Variants in PIAS3 observed in about 807,000 individuals in gnomAD.
PIAS3 encodes the protein protein inhibitor of activated STAT 3.
In PIAS3, 34 loss-of-function variants were observed where a neutral mutation model predicts 67.6. The observed-to-expected ratio is 0.50, with a 90% CI of 0.38 to 0.67. The LOEUF (loss-of-function observed/expected upper bound fraction) is 0.67, where lower values mean the gene tolerates loss of function less well. PIAS3 is among the 30% of genes least tolerant of loss of function. PIAS3 has a pLI of 0.00. For missense variants in PIAS3, 693 were observed against 791.6 expected, an observed-to-expected ratio of 0.88 and a Z score of 1.49; for synonymous variants, 341 against 313.8, an observed-to-expected ratio of 1.09 and a Z score of -0.92.
At position 145,855,838 on chromosome 1, in the gene PIAS3, T is replaced by C; in HGVS notation, c.579-12A>G. On this transcript the variant is annotated splice_polypyrimidine_tract_variant and intron_variant, in intron 4 of 13. Transcript: ENST00000393045. ...CACAGAGACAGAACCTGGTAAGAGA[T>C]GAGAAAGGAAGAAAGAGTGGGAAGA... The C allele has an allele frequency of 6.6e-7, 1 of 1,523,030 alleles. No individual in the cohort carries two copies. Among genetic ancestry groups the C allele is most frequent in the South Asian group, 1.1e-5 (1 of 89,302 alleles). 94.3% of individuals were successfully genotyped at this position (1,523,030 alleles called of 1,614,324 possible).
In PIAS3 at chr1:145,849,532, C is replaced by T. The variant is rs782546067; in HGVS notation, c.1801G>A (p.Gly601Arg). 8 of 1,590,536 alleles carry T rather than the reference C, an allele frequency of 5.0e-6. No individual in the cohort carries two copies. The African/African-American group carries it at 1.1e-4, about 22-fold the overall frequency. Reference protein sequence around the residue: ...GRVSSIVAPGGALREGHGGPL... With the variant: ...GRVSSIVAPGRALREGHGGPL... ...CCTCCATGCCCCTCCCTCAAGGCCC[C>T]CCCAGGGGCCACAATGCTGCTGACA... is the stretch of plus-strand genomic sequence containing the variant. Residue 601 changes from glycine (G) to arginine (R), a missense_variant, in exon 14 of 14, where the codon GGG becomes AGG. By Grantham distance (125) the Gly-to-Arg change is moderately radical (BLOSUM62 -2). This residue lies in a region of PIAS3 where 270 missense variants were observed against 261.0 expected (regional missense o/e 1.03). Transcript: ENST00000393045.
In PIAS3 at chr1:145,856,658, G is replaced by A; in HGVS notation, c.373C>T (p.Pro125Ser). 1.3e-6 allele frequency: 2 copies of A among 1,596,314 alleles called. No homozygotes were observed. Among genetic ancestry groups the A allele is most frequent in the East Asian group, 2.2e-5 (1 of 44,668 alleles). ...MHPPLPQPVH[P>S]DVTMKPLPFY... ...GGCAATGGTTTCATGGTGACATCAG[G>A]GTGCACAGGCTGGGGCAGAGGGGGG... The change falls in exon 2 of 14, where the codon CCT (proline) becomes TCT (serine). Residue 125 changes from proline to serine, a missense_variant. This residue lies in a region of PIAS3 where 308 missense variants were observed against 348.8 expected (regional missense o/e 0.88). Transcript: ENST00000393045.
chr1:145,855,656 C>CT, intron 5 of PIAS3, 80 bp downstream of exon 5: 1 of 803,798 alleles, frequency 1.2e-6, no homozygotes, highest in South Asian at 1.6e-5. Flanking sequence ...AGGCATGTCT[C>CT]TTTCAGAATA....
intron 12 of PIAS3, 66 bp downstream of exon 12, chr1:145,850,387 G>A: frequency 6.2e-7 from 1 of 1,611,218 alleles, no homozygotes; most frequent in South Asian, 1.1e-5. Context: ...AGAAGGAACA[G>A]GGGTTCTGAT....
At chr1:145,854,037 G>T in intron 7 of PIAS3, 151 bp from the exon 8 acceptor site, 2 of 636,114 alleles carry the variant, frequency 3.1e-6, no homozygotes, top group Admixed American at 2.7e-5. Flanking sequence ...AGTGGTCTGG[G>T]ATATGGATGA....
chr1:145,849,821 A>C (rs782065319), intron 13 of PIAS3, 109 bp from the exon 14 acceptor site: 7 of 1,486,892 alleles, frequency 4.7e-6, no homozygotes, highest in Non-Finnish European at 5.3e-6. Context: ...GTGGATCCGA[A>C]GGTATTCTCT....
intron 7 of PIAS3, chr1:145,854,233 G>C (rs899217297): frequency 2.2e-5 from 13 of 601,082 alleles, no homozygotes; most frequent in African/African-American, 3.7e-5. Flanking sequence ...GGGACTGTGA[G>C]GTGCAAAGCA....
chr1:145,856,049 G>T lies in PIAS3; in HGVS notation c.578+19C>A. The T allele has an allele frequency of 6.2e-7, 1 of 1,607,876 alleles. No individual in the cohort carries two copies. Among genetic ancestry groups the T allele is most frequent in the Non-Finnish European group, 8.5e-7 (1 of 1,174,366 alleles). On this transcript the variant is annotated intron_variant, in intron 4 of 13. Coordinates refer to ENST00000393045, the MANE Select transcript of PIAS3 (RefSeq NM_006099.3). ...TACCCCCAGTGGGTACCCAGGATAG[G>T]CAGGGAGGATGAACTCACCTTAGCT...
rs1212050716 is a variant in PIAS3, at chr1:145,849,365, G to T, written c.*81C>A. 7 of 1,376,476 alleles carry T rather than the reference G, an allele frequency of 5.1e-6. No individual in the cohort carries two copies. In the East Asian group the frequency reaches 1.4e-4, roughly 27 times the overall value. 85.3% of individuals were successfully genotyped at this position (1,376,476 alleles called of 1,614,324 possible). A position where few individuals can be genotyped will look rare whatever the true frequency, so the allele number is the denominator to read the frequency against. On this transcript the variant is annotated 3_prime_UTR_variant, in exon 14 of 14. Coordinates refer to ENST00000393045, the MANE Select transcript of PIAS3 (RefSeq NM_006099.3). Reference sequence around the variant, plus strand: ...GGCCCTTGGCCAGAGCCCCCAGAGGGATCAGAGTAGCTGGGGTTGGGACTC... The same window carrying T: ...GGCCCTTGGCCAGAGCCCCCAGAGGTATCAGAGTAGCTGGGGTTGGGACTC...
intron 9 of PIAS3, among the ~76,000 whole-genome samples, chr1:145,852,553 CT>C (rs1357629820): frequency 7.4e-4 from 102 of 138,150 alleles, no homozygotes; most frequent in African/African-American, 2.1e-3. Context: ...TTTTTTTTTT[CT>C]TTTTTTTTTT....
At chr1:145,854,987 C>T in intron 5 of PIAS3, 107 bp from the exon 6 acceptor site, 1 of 1,340,234 alleles carries the variant, frequency 7.5e-7, no homozygotes, top group South Asian at 1.3e-5. Flanking sequence ...GGAGGGAAGG[C>T]CAACTCGCTC....
In PIAS3 at chr1:145,856,994, T is replaced by C; in HGVS notation, c.37A>G (p.Ser13Gly). Residue 13 changes from serine to glycine, a missense_variant, in exon 2 of 14, where the codon AGT becomes GGT. By Grantham distance (56) the Ser-to-Gly change is moderately conservative. This residue lies in a region of PIAS3 where 308 missense variants were observed against 348.8 expected (regional missense o/e 0.88). Transcript: ENST00000393045. ...ELGELKHMVM[S>G]FRVSELQVLL... ...ACCTGGAGCTCAGACACCCGGAAAC[T>C]CATCACCATGTGCTGTGGAGAAAAA... 6.2e-7 allele frequency: 1 copy of C among 1,613,906 alleles called. No individual in the cohort carries two copies. The highest frequency in any genetic ancestry group is 1.1e-5 in the South Asian group (1 of 91,080).
chr1:145,851,006 A>G lies in PIAS3; in HGVS notation c.1279+14T>C. 1.2e-6 allele frequency: 2 copies of G among 1,614,194 alleles called. No individual in the cohort carries two copies. Among genetic ancestry groups the G allele is most frequent in the South Asian group, 2.2e-5 (2 of 91,086 alleles). On this transcript the variant is annotated intron_variant, in intron 10 of 13. Coordinates refer to ENST00000393045, the MANE Select transcript of PIAS3 (RefSeq NM_006099.3). ...CCAAGATTTAGCTTAGCTGGGGAAC[A>G]GGGGGTCACTCACCATCCAGCCCAT...
intron 9 of PIAS3, among the ~76,000 whole-genome samples, chr1:145,851,542 G>A (rs1399613006): frequency 2.0e-5 from 3 of 150,798 alleles, no homozygotes; most frequent in East Asian, 2.0e-4. Context: ...TATAATCCCA[G>A]CTACTTAGGA....
chr1:145,855,851 AAG>A (rs782773485), intron 4 of PIAS3, 25 bp from the exon 5 acceptor site: 14 of 1,411,080 alleles, frequency 9.9e-6, no homozygotes, highest in Middle Eastern at 1.8e-4. Flanking sequence ...GAAAGGAAGA[AAG>A]AGTGGGAAGA....
chr1:145,853,128 G>A (rs997662894), intron 9 of PIAS3, among the ~76,000 whole-genome samples: 1 of 152,136 alleles, frequency 6.6e-6, no homozygotes, highest in Non-Finnish European at 1.5e-5. Context: ...AAATATTATA[G>A]GCTGGGCATG....
rs782592568 is a variant in PIAS3 at position 145,858,954 on chromosome 1, AG to A, written c.24+12del. ...GCTGAGTCCAGATGGGGATGGGGGG[AG>A]GGGGCCGGTACCTTTAATTCGCCCA... On this transcript the variant is annotated intron_variant, in intron 1 of 13. Coordinates refer to ENST00000393045, the MANE Select transcript of PIAS3 (RefSeq NM_006099.3). The A allele has an allele frequency of 3.5e-5, 53 of 1,520,734 alleles. No homozygotes were observed. The highest frequency in any genetic ancestry group is 2.1e-4 in the South Asian group (17 of 80,914). 94.2% of individuals were successfully genotyped at this position (1,520,734 alleles called of 1,614,324 possible).
intron 13 of PIAS3, 122 bp downstream of exon 13, chr1:145,850,110 C>A: frequency 6.4e-7 from 1 of 1,559,030 alleles, no homozygotes; most frequent in South Asian, 1.2e-5. Context: ...TACCTACACC[C>A]CACTGCCCTC....
At chr1:145,856,556 T>C in intron 2 of PIAS3, 33 bp downstream of exon 2, 1 of 1,582,418 alleles carries the variant, frequency 6.3e-7, no homozygotes, top group Non-Finnish European at 8.6e-7. Context: ...AGGTAGGGAG[T>C]CCAGAAGACT....
Sources: gnomAD v4.1 joint callset for allele counts (sites outside exome capture counted in the v4.1 genomes callset) on GRCh38, gnomAD v4.1.1 for gene constraint, gnomAD v4.1.1 regional missense constraint, MANE v1.5 for transcripts, NCBI Gene and HGNC (gene_info 2026-07-23, HGNC 2026-07-21) for gene names.